TRPC5: variants seen among roughly 807,000 people sequenced by gnomAD.
TRPC5 encodes short transient receptor potential channel 5.
Under a neutral mutation model 56.5 loss-of-function variants are expected in TRPC5, and 9 were observed. The ratio of observed to expected loss-of-function variants is 0.16; its 90% CI spans 0.10 to 0.28. The LOEUF (loss-of-function observed/expected upper bound fraction) is 0.28. TRPC5 is among the 10% of genes least tolerant of loss of function. TRPC5 has a pLI of 1.00. For synonymous variants in TRPC5, 282 were observed against 278.5 expected (o/e 1.01, Z -0.13); for missense variants, 469 against 748.9 (o/e 0.63, Z 4.36).
rs958364176 is a variant in TRPC5 at position 111,923,184 on chromosome X, T to C, written c.379-10372A>G. On this transcript the variant is annotated intron_variant, in intron 2 of 10. Transcript: ENST00000262839. ...AAAAGGCCAACAATTTGATTTATTA[T>C]ATCAATAAACAAATGTTAAAATCAC... Among the ~76,000 whole-genome samples, 4 of 112,083 alleles carry C rather than the reference T, an allele frequency of 3.6e-5. No homozygotes were observed. The East Asian group carries it at 1.1e-3, about 31-fold the overall frequency.
rs151119982 is a variant in TRPC5 at position 111,945,370 on chromosome X, T to A, written c.378+6673A>T. ...CAACAAAAATCACAAATTTCCCTGG[T>A]TGTCAAAAATCTACCCCTAAGTAAA... On this transcript the variant is annotated intron_variant, in intron 2 of 10. Coordinates refer to ENST00000262839, the MANE Select transcript of TRPC5 (RefSeq NM_012471.3). 2.6e-3 allele frequency among the ~76,000 whole-genome samples: 279 copies of A among 109,027 alleles called. 2 individuals are homozygous for A. The highest frequency in any genetic ancestry group is 9.1e-3 in the African/African-American group (273 of 29,898). The allele number at this position is 109,027 out of a possible 115,157, so 94.7% of individuals were successfully genotyped here. A position where few individuals can be genotyped will look rare whatever the true frequency, so the allele number is the denominator to read the frequency against.
intron 2 of TRPC5, among the ~76,000 whole-genome samples, chrX:111,946,354 AG>A (rs200717613): frequency 0.029 from 3,292 of 112,077 alleles, 62 homozygotes; most frequent in Middle Eastern, 0.083. Flanking sequence ...TAAGTTAAGT[AG>A]TACCTTTCCC....
At chrX:111,957,799 C>G (rs1348606661) in intron 1 of TRPC5, among the ~76,000 whole-genome samples, 2 of 111,980 alleles carry the variant, frequency 1.8e-5, no homozygotes, top group East Asian at 5.6e-4. Context: ...ATTGCCCTTG[C>G]CATCAAGCAA....
chrX:111,844,460 C>CTT lies in TRPC5; in HGVS notation c.1700+2652_1700+2653dup, dbSNP rs746423281. Among the ~76,000 whole-genome samples, 14 of 95,372 alleles carry CTT rather than the reference C, an allele frequency of 1.5e-4. 1 individual carries two copies. The highest frequency in any genetic ancestry group is 5.3e-3 in the Middle Eastern group (1 of 190). The allele number at this position is 95,372 out of a possible 115,157, so 82.8% of individuals were successfully genotyped here. A position where few individuals can be genotyped will look rare whatever the true frequency, so the allele number is the denominator to read the frequency against. On this transcript the variant is annotated intron_variant, in intron 6 of 10. Transcript: ENST00000262839. ...TTTTCTCTTTTTTCTTTCTTTCTTT[C>CTT]TTTTTTTTTTTTTTTTGGAGACGGA... is the stretch of plus-strand genomic sequence containing the variant.
intron 7 of TRPC5, among the ~76,000 whole-genome samples, chrX:111,789,768 TAAAAC>T (rs1268993648): frequency 8.9e-6 from 1 of 112,326 alleles, no homozygotes; most frequent in East Asian, 2.8e-4. Flanking sequence ...ACAGACTTCT[TAAAAC>T]AAGACATCTA....
intron 1 of TRPC5, among the ~76,000 whole-genome samples, chrX:112,016,764 A>G (rs762898859): frequency 9.0e-5 from 10 of 111,360 alleles, no homozygotes; most frequent in Admixed American, 1.9e-4. Context: ...AATGTAAACT[A>G]TCCAAATTTA....
chrX:111,808,008 A>G (rs917821061), intron 7 of TRPC5, among the ~76,000 whole-genome samples: 13 of 101,620 alleles, frequency 1.3e-4, no homozygotes, highest in Middle Eastern at 5.0e-3. Context: ...GCTGAGCTGC[A>G]TGGAGTTGGG....
intron 3 of TRPC5, among the ~76,000 whole-genome samples, chrX:111,893,082 T>TTG (rs1924882685): frequency 9.2e-6 from 1 of 108,532 alleles, no homozygotes; most frequent in African/African-American, 3.4e-5. Flanking sequence ...ATATAGGGTT[T>TTG]TTTTTTTTTT....
chrX:111,850,751 G>C (rs1239597252), intron 5 of TRPC5, among the ~76,000 whole-genome samples: 1 of 111,936 alleles, frequency 8.9e-6, no homozygotes, highest in Non-Finnish European at 1.9e-5. Flanking sequence ...TAACTCTTTG[G>C]AAGCCTCTCC....
At chrX:111,901,851 T>C in intron 3 of TRPC5, 1 of 1,129,607 alleles carries the variant, frequency 8.9e-7, no homozygotes, top group East Asian at 3.3e-5. Context: ...CACTGCAGCA[T>C]GGATTCTGTG....
At chrX:111,887,253 AT>A (rs1413257612) in intron 3 of TRPC5, among the ~76,000 whole-genome samples, 2 of 112,667 alleles carry the variant, frequency 1.8e-5, no homozygotes, top group African/African-American at 6.4e-5. Flanking sequence ...GAAACAAATA[AT>A]TTATTCCACT....
chrX:111,901,990 A>G, intron 3 of TRPC5: 1 of 1,155,888 alleles, frequency 8.7e-7, no homozygotes, highest in Admixed American at 2.6e-5. Context: ...GTAGAGCAGA[A>G]GAGACTGAAG....
intron 3 of TRPC5, among the ~76,000 whole-genome samples, chrX:111,882,975 A>G (rs1924297940): frequency 9.1e-6 from 1 of 109,760 alleles, no homozygotes; most frequent in African/African-American, 3.3e-5. Context: ...AATCCCAGCT[A>G]CTCAGGAGGC....
intron 7 of TRPC5, among the ~76,000 whole-genome samples, chrX:111,831,279 G>A (rs1922399623): frequency 8.9e-6 from 1 of 112,433 alleles, no homozygotes; most frequent in Admixed American, 9.4e-5. Context: ...CCATATCAGT[G>A]CATAGCAGTT....
intron 6 of TRPC5, among the ~76,000 whole-genome samples, chrX:111,842,623 T>C (rs908841105): frequency 8.0e-5 from 9 of 112,245 alleles, no homozygotes; most frequent in Admixed American, 2.8e-4. Flanking sequence ...GATCTTCAGA[T>C]GACACAAGAC....
chrX:112,065,101 GTTA>G (rs1930551617), intron 1 of TRPC5, among the ~76,000 whole-genome samples: 1 of 109,579 alleles, frequency 9.1e-6, no homozygotes, highest in Non-Finnish European at 1.9e-5. Flanking sequence ...AAACAAAAAG[GTTA>G]TTTTCATTCA....
intron 2 of TRPC5, among the ~76,000 whole-genome samples, chrX:111,928,071 C>T (rs755603816): frequency 5.4e-5 from 6 of 111,212 alleles, no homozygotes; most frequent in Non-Finnish European, 9.4e-5. Flanking sequence ...CTAAGTTCAT[C>T]TAGCACAGAC....
chrX:112,059,190 C>T (rs183304973), intron 1 of TRPC5, among the ~76,000 whole-genome samples: 1 of 111,599 alleles, frequency 9.0e-6, no homozygotes, highest in Non-Finnish European at 1.9e-5. Flanking sequence ...GAAATGAGAA[C>T]CCCAATTCAC....
chrX:111,816,709 G>C (rs1262145686), intron 7 of TRPC5, among the ~76,000 whole-genome samples: 1 of 110,865 alleles, frequency 9.0e-6, no homozygotes, highest in Non-Finnish European at 1.9e-5. Context: ...ATGGTGAAGG[G>C]AGAAGGGAAA....
Sources: allele counts gnomAD v4.1 joint callset (sites outside exome capture counted in the v4.1 genomes callset), GRCh38; gene constraint gnomAD v4.1.1; transcripts MANE v1.5; gene names NCBI Gene and HGNC (gene_info 2026-07-23, HGNC 2026-07-21).